ANKRD26: variants seen among roughly 807,000 people sequenced by gnomAD.
ANKRD26 encodes ankyrin repeat domain-containing protein 26.
In ANKRD26, 141 loss-of-function variants were observed where a neutral mutation model predicts 208.7. The observed-to-expected ratio is 0.68, with a 90% CI of 0.59 to 0.78. The LOEUF is 0.78. ANKRD26 is among the 30% of genes least tolerant of loss of function. ANKRD26 has a pLI of 0.00. For synonymous variants in ANKRD26, 636 were observed against 660.4 expected, an observed-to-expected ratio of 0.96 and a Z score of 0.57; for missense variants, 1,889 against 1,938.7, an observed-to-expected ratio of 0.97 and a Z score of 0.48.
chr10:27,076,245 G>A (rs11015503), intron 9 of ANKRD26, among the ~76,000 whole-genome samples: 14,287 of 148,326 alleles, frequency 0.096, 890 homozygotes, highest in Non-Finnish European at 0.14. Flanking sequence ...GAAACAAAAA[G>A]TTTGTTTTTT....
chr10:27,057,713 T>C (rs2054887587), intron 15 of ANKRD26, among the ~76,000 whole-genome samples: 1 of 152,000 alleles, frequency 6.6e-6, no homozygotes, highest in South Asian at 2.1e-4. Flanking sequence ...CCAAGATGGG[T>C]GGATCACGAG....
intron 4 of ANKRD26, among the ~76,000 whole-genome samples, chr10:26,997,088 T>C (rs1398550431): frequency 6.6e-6 from 1 of 151,320 alleles, no homozygotes; most frequent in Non-Finnish European, 1.5e-5. Flanking sequence ...TCATTATGGA[T>C]GTTGAGGAGA....
In ANKRD26 at chr10:27,024,446, C is replaced by G; in HGVS notation, c.4085+1G>C. The G allele has an allele frequency of 1.4e-6, 2 of 1,433,092 alleles. No individual in the cohort carries two copies. The highest frequency in any genetic ancestry group is 2.0e-6 in the Non-Finnish European group (2 of 1,022,514). The allele number at this position is 1,433,092 out of a possible 1,614,324, so 88.8% of individuals were successfully genotyped here. On this transcript the variant is annotated splice_donor_variant, in intron 28 of 33. Coordinates refer to ENST00000376087, the MANE Select transcript of ANKRD26 (RefSeq NM_014915.3). LOFTEE classifies it high-confidence loss of function. ...AATGATCTGAAATATTAAAATCTTA[C>G]CCAGTTATCTCTCTTTCTAATTCAA...
chr10:26,976,804 C>T (rs1589160001), intron 5 of ANKRD26, among the ~76,000 whole-genome samples: 1 of 152,294 alleles, frequency 6.6e-6, no homozygotes, highest in South Asian at 2.1e-4. Context: ...CTTGGTCCCC[C>T]ACACTCCTTC....
chr10:27,024,585 C>T, intron 27 of ANKRD26, 26 bp from the exon 28 acceptor site: 3 of 1,286,810 alleles, frequency 2.3e-6, no homozygotes, highest in Non-Finnish European at 3.4e-6. Context: ...TTTTCAATTA[C>T]TTTTAAAACT....
chr10:27,042,891 G>A (rs1291175384), intron 20 of ANKRD26, among the ~76,000 whole-genome samples: 10 of 147,996 alleles, frequency 6.8e-5, no homozygotes, highest in African/African-American at 1.5e-4. Flanking sequence ...GCTTGAACCC[G>A]GGAGGTGGAG....
At position 27,100,433 on chromosome 10, in the gene ANKRD26, G is replaced by A. The variant is rs910801961; in HGVS notation, c.-107C>T. On this transcript the variant is annotated 5_prime_UTR_variant, in exon 1 of 34. Coordinates refer to ENST00000376087, the MANE Select transcript of ANKRD26 (RefSeq NM_014915.3). ...CCCCGGCTGGCCGCAGCCTCCCAAA[G>A]GAAACTCCGCGGTTTCCAATCTCTC... The A allele has an allele frequency of 1.3e-6, 2 of 1,511,782 alleles. No homozygotes were observed. The highest frequency in any genetic ancestry group is 1.2e-5 in the South Asian group (1 of 82,072). 93.6% of individuals were successfully genotyped at this position (1,511,782 alleles called of 1,614,324 possible). A position where few individuals can be genotyped will look rare whatever the true frequency, so the allele number is the denominator to read the frequency against.
chr10:27,001,241 G>C (rs1015837366), downstream of ANKRD26, among the ~76,000 whole-genome samples: 3 of 152,144 alleles, frequency 2.0e-5, no homozygotes, highest in African/African-American at 4.8e-5. Context: ...GTGGCCCAGA[G>C]TTAGGGGCTG....
At position 27,100,330 on chromosome 10, in the gene ANKRD26, C is replaced by T. The variant is rs779013762; in HGVS notation, c.-4G>A. 5.0e-6 allele frequency: 8 copies of T among 1,606,426 alleles called. No homozygotes were observed. The highest frequency in any genetic ancestry group is 5.1e-6 in the Non-Finnish European group (6 of 1,179,788). On this transcript the variant is annotated 5_prime_UTR_variant, in exon 1 of 34. Transcript: ENST00000376087. ...TCTTACTAAAAATCTTCTTCATGGC[C>T]CAGGCGACCGGGCTTCAGAGACACC...
downstream of ANKRD26, among the ~76,000 whole-genome samples, chr10:27,002,369 C>G (rs999916772): frequency 2.6e-5 from 4 of 152,198 alleles, no homozygotes; most frequent in Non-Finnish European, 5.9e-5. Context: ...GGGGCCCCAT[C>G]TGGGTGGAGT....
chr10:27,092,885 C>T (rs943834498), intron 3 of ANKRD26, among the ~76,000 whole-genome samples: 33 of 152,108 alleles, frequency 2.2e-4, no homozygotes, highest in African/African-American at 8.0e-4. Flanking sequence ...GAGTTCGAGG[C>T]CCGCCTGGCC....
chr10:26,994,897 C>T (rs759248130), intron 5 of ANKRD26: 20 of 353,556 alleles, frequency 5.7e-5, no homozygotes, highest in Middle Eastern at 1.0e-3. Flanking sequence ...TTGAAAAGCT[C>T]GGGTCAGGGA....
At chr10:26,963,903 G>T in the ANKRD26 span, among the ~76,000 whole-genome samples, 32,543 of 72,482 alleles carry the variant, frequency 0.45, 7,665 homozygotes, top group Middle Eastern at 0.54. Context: ...TGGTTGGTTG[G>T]TTTTTTTTTT....
chr10:27,049,765 C>G (rs2054583140), intron 16 of ANKRD26, among the ~76,000 whole-genome samples: 1 of 152,164 alleles, frequency 6.6e-6, no homozygotes. Context: ...GTGGCATTAT[C>G]TAGCACTTTA....
the ANKRD26 span, among the ~76,000 whole-genome samples, chr10:26,952,511 T>A: frequency 6.6e-6 from 1 of 152,094 alleles, no homozygotes; most frequent in African/African-American, 2.4e-5. Flanking sequence ...TGACATTTAT[T>A]GAAATAATTA....
chr10:27,084,532 T>C (rs1182775263), intron 5 of ANKRD26, among the ~76,000 whole-genome samples: 1 of 152,176 alleles, frequency 6.6e-6, no homozygotes, highest in Non-Finnish European at 1.5e-5. Flanking sequence ...TAAAATGCAT[T>C]TGGTGTCACA....
chr10:26,969,713 T>C (rs1051514748), downstream of ANKRD26, among the ~76,000 whole-genome samples: 1 of 152,134 alleles, frequency 6.6e-6, no homozygotes, highest in African/African-American at 2.4e-5. Flanking sequence ...GATTAGTATT[T>C]ATGCATTTTT....
chr10:26,971,962 G>T (rs994847934), downstream of ANKRD26, among the ~76,000 whole-genome samples: 2 of 152,004 alleles, frequency 1.3e-5, no homozygotes, highest in African/African-American at 4.8e-5. Flanking sequence ...GTGGCCGGGC[G>T]CAGTGGCTCA....
At chr10:26,978,513 A>G (rs2052260316) in intron 5 of ANKRD26, among the ~76,000 whole-genome samples, 1 of 152,202 alleles carries the variant, frequency 6.6e-6, no homozygotes, top group Non-Finnish European at 1.5e-5. Context: ...GCTGTGGCCC[A>G]TGTTTTGAGT....
Sources: gnomAD v4.1 joint callset for allele counts (sites outside exome capture counted in the v4.1 genomes callset) on GRCh38, gnomAD v4.1.1 for gene constraint, MANE v1.5 for transcripts, NCBI Gene and HGNC (gene_info 2026-07-23, HGNC 2026-07-21) for gene names.